RRP1B: variants seen among roughly 807,000 people sequenced by gnomAD.
The protein encoded by RRP1B is ribosomal RNA processing 1B, also known as ribosomal RNA processing protein 1 homolog B.
RRP1B carries 56 observed loss-of-function variants against 80.2 expected under a neutral mutation model. That is an observed-to-expected ratio of 0.70 (90% CI 0.56 to 0.87). The LOEUF is 0.87. RRP1B is among the 40% of genes least tolerant of loss of function. RRP1B has a pLI of 0.00. For synonymous variants in RRP1B, 351 were observed against 357.6 expected (o/e 0.98, Z 0.21); for missense variants, 807 against 939.8 (o/e 0.86, Z 1.85).
At chr21:43,688,373 G>A (rs1381122581) in intron 13 of RRP1B, 133 bp downstream of exon 13, 1 of 1,119,158 alleles carries the variant, frequency 8.9e-7, no homozygotes, top group African/African-American at 1.6e-5. Context: ...TTAGAATAGG[G>A]TGTGTTCATA....
intron 15 of RRP1B, among the ~76,000 whole-genome samples, chr21:43,692,602 C>CAA (rs879723593): frequency 2.0e-5 from 2 of 100,788 alleles, no homozygotes; most frequent in East Asian, 2.8e-4. Context: ...GACTCCATCT[C>CAA]AAAAAAAAAA....
intron 1 of RRP1B, among the ~76,000 whole-genome samples, chr21:43,666,072 G>A (rs184454409): frequency 2.0e-5 from 3 of 152,350 alleles, no homozygotes; most frequent in Admixed American, 2.0e-4. Context: ...CCTTCAAGCA[G>A]GGTGTGGAGG....
chr21:43,664,755 T>C (rs77530336), intron 1 of RRP1B, among the ~76,000 whole-genome samples: 1 of 152,144 alleles, frequency 6.6e-6, no homozygotes, highest in Non-Finnish European at 1.5e-5. Flanking sequence ...TGGGGAGGCC[T>C]CACAATCATG....
intron 8 of RRP1B, among the ~76,000 whole-genome samples, chr21:43,678,915 T>G (rs2083032550): frequency 6.6e-6 from 1 of 152,242 alleles, no homozygotes; most frequent in Non-Finnish European, 1.5e-5. Flanking sequence ...ATTTAAGTCT[T>G]TAATCCATCT....
In RRP1B at chr21:43,693,436, A is replaced by C; in HGVS notation, c.*53A>C. On this transcript the variant is annotated 3_prime_UTR_variant, in exon 16 of 16. Transcript: ENST00000340648. This position sits in a 1 kb window ranked among gnomAD's most constrained non-coding sequence, Gnocchi z 4.1. ...TGCTTTTGTACAGAATGCGCTATAA[A>C]TTATACCTTTAAGAATGTGGGGCCT... 1 of 1,430,594 alleles carries C rather than the reference A, an allele frequency of 7.0e-7. No individual in the cohort carries two copies. 88.6% of individuals were successfully genotyped at this position (1,430,594 alleles called of 1,614,324 possible).
intron 1 of RRP1B, among the ~76,000 whole-genome samples, chr21:43,666,960 G>A (rs551295311): frequency 3.3e-5 from 5 of 152,022 alleles, no homozygotes; most frequent in African/African-American, 1.2e-4. Context: ...ACTGCATCCT[G>A]TTGTCTCACT....
At chr21:43,672,541 T>C (rs1408657460) in intron 3 of RRP1B, among the ~76,000 whole-genome samples, 176 bp downstream of exon 3, 5 of 152,246 alleles carry the variant, frequency 3.3e-5, no homozygotes, top group African/African-American at 9.6e-5. Context: ...GAGAATCAAT[T>C]TGACATCTCA....
At chr21:43,664,797 A>C (rs1160353524) in intron 1 of RRP1B, among the ~76,000 whole-genome samples, 1 of 152,262 alleles carries the variant, frequency 6.6e-6, no homozygotes, top group Non-Finnish European at 1.5e-5. Flanking sequence ...AAGCAAAGGC[A>C]GGTCATCCAT....
intron 1 of RRP1B, among the ~76,000 whole-genome samples, chr21:43,663,314 G>A (rs2082965380): frequency 6.6e-6 from 1 of 152,180 alleles, no homozygotes; most frequent in South Asian, 2.1e-4. Flanking sequence ...CACCCAGGCT[G>A]AAGTGCAACA....
At position 43,683,293 on chromosome 21, in the gene RRP1B, C is replaced by G. The variant is rs778534094; in HGVS notation, c.811C>G (p.His271Asp). 3.1e-6 allele frequency: 5 copies of G among 1,613,946 alleles called. No individual in the cohort carries two copies. Among genetic ancestry groups the G allele is most frequent in the Non-Finnish European group, 4.2e-6 (5 of 1,179,968 alleles). The change falls in exon 9 of 16, where the codon CAT (histidine) becomes GAT (aspartate). Residue 271 changes from histidine to aspartate, a missense_variant. By Grantham distance (81) the His-to-Asp change is moderately conservative (BLOSUM62 -1). Transcript: ENST00000340648. ...TATTTTGACAGCACTGGGCAAAAAC[C>G]ATTCCAGAAAAGATGGACTCAGTGA... ...SKKKTALGKN[H>D]SRKDGLSDER...
Position 43,659,853 on chromosome 21 carries a change from C to T in RRP1B, c.130+59C>T. On this transcript the variant is annotated intron_variant, in intron 1 of 15. Coordinates refer to ENST00000340648, the MANE Select transcript of RRP1B (RefSeq NM_015056.3). The surrounding 1 kb of genome is among the most constrained non-coding windows in gnomAD (Gnocchi z 4.2). ...GGCGGGCCGGGGGCCGGGGCTGGGG[C>T]TAGGGCCAGGGCCCCGGCACGGAAT... 2.1e-6 allele frequency: 3 copies of T among 1,437,712 alleles called. No homozygotes were observed. The highest frequency in any genetic ancestry group is 2.8e-6 in the Non-Finnish European group (3 of 1,089,052). The allele number at this position is 1,437,712 out of a possible 1,614,324, so 89.1% of individuals were successfully genotyped here. A position where few individuals can be genotyped will look rare whatever the true frequency, so the allele number is the denominator to read the frequency against.
intron 1 of RRP1B, among the ~76,000 whole-genome samples, chr21:43,667,413 G>C (rs1218195626): frequency 6.8e-6 from 1 of 146,204 alleles, no homozygotes; most frequent in African/African-American, 2.7e-5. Flanking sequence ...TTTGTTGTTG[G>C]TGTGTGTGTG....
intron 8 of RRP1B, among the ~76,000 whole-genome samples, chr21:43,679,196 C>T (rs541698605): frequency 2.7e-5 from 4 of 148,054 alleles, no homozygotes; most frequent in East Asian, 1.9e-4. Context: ...CTGATGTCTC[C>T]GGGTTTTTGA....
intron 1 of RRP1B, among the ~76,000 whole-genome samples, chr21:43,662,852 C>G (rs2147158712): frequency 6.6e-6 from 1 of 152,324 alleles, no homozygotes; most frequent in East Asian, 1.9e-4. Context: ...ACAAAACAGA[C>G]CATCCCTGCC....
chr21:43,663,201 A>G (rs1485114443), intron 1 of RRP1B, among the ~76,000 whole-genome samples: 1 of 152,130 alleles, frequency 6.6e-6, no homozygotes, highest in African/African-American at 2.4e-5. Flanking sequence ...GGATTTGCTC[A>G]TTTCAAAACT....
chr21:43,691,424 A>G lies in RRP1B; in HGVS notation c.2020-15A>G, dbSNP rs950845605. 2 of 1,613,454 alleles carry G rather than the reference A, an allele frequency of 1.2e-6. No individual in the cohort carries two copies. The highest frequency in any genetic ancestry group is 8.5e-7 in the Non-Finnish European group (1 of 1,179,614). On this transcript the variant is annotated splice_polypyrimidine_tract_variant and intron_variant, in intron 14 of 15. Transcript: ENST00000340648. The surrounding 1 kb of genome is among the most constrained non-coding windows in gnomAD (Gnocchi z 4.2). ...TTGCGTCACTCCTTTTGTTCCTGTT[A>G]TTTCTCTTCTGCAGCTAAACAAGAC...
intron 4 of RRP1B, 47 bp from the exon 5 acceptor site, chr21:43,674,586 CTTT>C (rs33994751): frequency 0.011 from 4,213 of 388,870 alleles, 1 homozygote; most frequent in African/African-American, 0.014. Context: ...CTTACCTTTC[CTTT>C]TTTTTTTTTT....
At chr21:43,686,773 G>A (rs1243949116) in intron 11 of RRP1B, 31 bp from the exon 12 acceptor site, 5 of 1,612,460 alleles carry the variant, frequency 3.1e-6, no homozygotes, top group African/African-American at 2.7e-5. Flanking sequence ...AGCGCCTGGG[G>A]AAGCTAACAG....
At chr21:43,692,854 T>A (rs952734688) in intron 15 of RRP1B, among the ~76,000 whole-genome samples, 2 of 152,122 alleles carry the variant, frequency 1.3e-5, no homozygotes, top group Non-Finnish European at 2.9e-5. Flanking sequence ...TAGCACAGAT[T>A]TGTCCCAGAC....
Sources: allele counts gnomAD v4.1 joint callset (sites outside exome capture counted in the v4.1 genomes callset), GRCh38; gene constraint gnomAD v4.1.1; non-coding constraint Gnocchi (gnomAD v3.1); transcripts MANE v1.5; gene names NCBI Gene and HGNC (gene_info 2026-07-23, HGNC 2026-07-21).